The following SNTG1 variants were observed in gnomAD, a reference collection of about 807,000 sequenced individuals.
SNTG1 encodes the protein gamma-1-syntrophin.
In SNTG1, 39 loss-of-function variants were observed where a neutral mutation model predicts 74.7. The ratio of observed to expected loss-of-function variants is 0.52; its 90% CI spans 0.40 to 0.68. The LOEUF is 0.68. Among genes scored for constraint, SNTG1 ranks in the 30% least tolerant of loss-of-function variants. The pLI is 0.00. For synonymous variants in SNTG1, 254 were observed against 217.1 expected (o/e 1.17, Z -1.49); for missense variants, 685 against 609.5 (o/e 1.12, Z -1.30).
chr8:50,746,953 T>A (rs1028620053), intron 17 of SNTG1, among the ~76,000 whole-genome samples: 1 of 150,794 alleles, frequency 6.6e-6, no homozygotes, highest in Admixed American at 6.6e-5. Flanking sequence ...AATGTCATTA[T>A]GTAGTCAAAC....
chr8:50,568,517 T>G (rs1004165034), intron 12 of SNTG1, among the ~76,000 whole-genome samples: 2 of 152,136 alleles, frequency 1.3e-5, no homozygotes, highest in Non-Finnish European at 2.9e-5. Context: ...GTCTTTTTGA[T>G]AAAAGCTGTT....
At chr8:50,512,110 G>T (rs545542646) in intron 9 of SNTG1, among the ~76,000 whole-genome samples, 2 of 152,040 alleles carry the variant, frequency 1.3e-5, no homozygotes, top group East Asian at 3.9e-4. Flanking sequence ...GTGCAGGCCT[G>T]GTGGTGACAA....
At chr8:50,727,388 A>G (rs6998678) in intron 17 of SNTG1, among the ~76,000 whole-genome samples, 15,550 of 152,108 alleles carry the variant, frequency 0.1, 2,227 homozygotes, top group African/African-American at 0.32. Flanking sequence ...GTTTTCTTTG[A>G]GAGAGCTTTC....
intron 12 of SNTG1, among the ~76,000 whole-genome samples, chr8:50,579,989 A>T (rs2094599905): frequency 6.6e-6 from 1 of 152,194 alleles, no homozygotes; most frequent in East Asian, 1.9e-4. Context: ...GTGTGCTGGG[A>T]AAAGGAACAG....
intron 2 of SNTG1, 114 bp downstream of exon 2, chr8:50,172,749 G>A (rs867372410): frequency 7.0e-6 from 1 of 143,144 alleles, no homozygotes; most frequent in African/African-American, 2.6e-5. Flanking sequence ...TCTTTTTGAA[G>A]CTTCTTTCTC....
intron 2 of SNTG1, among the ~76,000 whole-genome samples, chr8:50,330,373 G>C (rs1294062798): frequency 1.3e-5 from 2 of 152,074 alleles, no homozygotes; most frequent in East Asian, 1.9e-4. Flanking sequence ...AAATTAACCA[G>C]TGTCAGGTTT....
At chr8:50,788,168 C>A (rs555012987) in intron 18 of SNTG1, among the ~76,000 whole-genome samples, 61 of 152,094 alleles carry the variant, frequency 4.0e-4, no homozygotes, top group Admixed American at 1.4e-3. Flanking sequence ...TCTCTAATGA[C>A]TGCAAGGCCA....
Position 49,940,265 on chromosome 8 carries a change from C to T in SNTG1, c.-103+28034C>T, listed in dbSNP as rs574901432. ...TTGAGCAGGGATGTGCAAAATGCCTCGAAAGACAGAGGATCCCAGCACCCA... is the reference window on the plus strand; with the variant it reads ...TTGAGCAGGGATGTGCAAAATGCCTTGAAAGACAGAGGATCCCAGCACCCA... On this transcript the variant is annotated intron_variant, in intron 1 of 18. Coordinates refer to ENST00000642720, the MANE Select transcript of SNTG1 (RefSeq NM_018967.5). Among the ~76,000 whole-genome samples, 4 of 152,238 alleles carry T rather than the reference C, an allele frequency of 2.6e-5. No homozygotes were observed. The East Asian group carries it at 5.8e-4, about 22-fold the overall frequency.
intron 2 of SNTG1, among the ~76,000 whole-genome samples, chr8:50,233,149 C>A (rs1403094120): frequency 6.6e-6 from 1 of 151,444 alleles, no homozygotes; most frequent in Non-Finnish European, 1.5e-5. Flanking sequence ...GATCATTATA[C>A]CTGATTTTCA....
At chr8:49,980,827 C>G (rs1812612121) in intron 1 of SNTG1, among the ~76,000 whole-genome samples, 1 of 151,996 alleles carries the variant, frequency 6.6e-6, no homozygotes, top group Admixed American at 6.6e-5. Flanking sequence ...ACACTTAAAG[C>G]TAACTTTTAT....
At position 50,318,024 on chromosome 8, in the gene SNTG1, C is replaced by G. The variant is rs187006526; in HGVS notation, c.-27-76188C>G. 4.9e-3 allele frequency among the ~76,000 whole-genome samples: 746 copies of G among 152,060 alleles called. 9 individuals carry two copies. The highest frequency in any genetic ancestry group is 0.017 in the African/African-American group (718 of 41,488). On this transcript the variant is annotated intron_variant, in intron 2 of 18. Transcript: ENST00000642720. ...GCTAATTTTTTGTATTTTTAGTAGACACGGGGTTTCACCATGTTAGCCAGG... is the reference window on the plus strand; with the variant it reads ...GCTAATTTTTTGTATTTTTAGTAGAGACGGGGTTTCACCATGTTAGCCAGG...
At chr8:49,958,698 C>T (rs1477650900) in intron 1 of SNTG1, among the ~76,000 whole-genome samples, 1 of 152,158 alleles carries the variant, frequency 6.6e-6, no homozygotes, top group Non-Finnish European at 1.5e-5. Context: ...GGATTACAGG[C>T]GTGAGCCACT....
chr8:50,137,841 G>A (rs888125793), intron 1 of SNTG1, among the ~76,000 whole-genome samples: 14 of 152,120 alleles, frequency 9.2e-5, no homozygotes, highest in African/African-American at 3.4e-4. Context: ...GTCCAGAGAT[G>A]CAGCAGCTGG....
chr8:50,781,395 G>A (rs2095658981), intron 18 of SNTG1, among the ~76,000 whole-genome samples: 1 of 152,070 alleles, frequency 6.6e-6, no homozygotes, highest in South Asian at 2.1e-4. Flanking sequence ...CTCCTGTATT[G>A]GGTGCATATA....
At chr8:50,683,924 T>A (rs2095341384) in intron 15 of SNTG1, among the ~76,000 whole-genome samples, 1 of 152,206 alleles carries the variant, frequency 6.6e-6, no homozygotes, top group Non-Finnish European at 1.5e-5. Context: ...CTGTTTTTAA[T>A]CACAATTGAA....
chr8:50,162,577 A>G (rs1396911598), intron 1 of SNTG1, among the ~76,000 whole-genome samples: 45 of 146,532 alleles, frequency 3.1e-4, no homozygotes, highest in Non-Finnish European at 5.4e-4. Flanking sequence ...AAAAAAAAAA[A>G]GAAAAAAAAA....
intron 8 of SNTG1, among the ~76,000 whole-genome samples, chr8:50,463,427 C>T (rs2093584077): frequency 6.6e-6 from 1 of 152,100 alleles, no homozygotes; most frequent in South Asian, 2.1e-4. Context: ...GAAATTACTC[C>T]TTGATCCATG....
intron 2 of SNTG1, among the ~76,000 whole-genome samples, chr8:50,235,939 C>G (rs1423623903): frequency 6.6e-6 from 1 of 151,840 alleles, no homozygotes; most frequent in Non-Finnish European, 1.5e-5. Flanking sequence ...AATATTCTAC[C>G]CATAAAGAAA....
chr8:50,172,644 A>G lies in SNTG1; in HGVS notation c.-28+9A>G, dbSNP rs1252869993. ...GCTGTACCTAAATTCAAGTAAGACC[A>G]TTACTTTGCAATAACGTATCATGTG... On this transcript the variant is annotated intron_variant, in intron 2 of 18. Coordinates refer to ENST00000642720, the MANE Select transcript of SNTG1 (RefSeq NM_018967.5). The G allele has an allele frequency of 1.3e-5, 2 of 152,162 alleles. No homozygotes were observed. Among genetic ancestry groups the G allele is most frequent in the African/African-American group, 4.8e-5 (2 of 41,446 alleles). 9.4% of individuals were successfully genotyped at this position (152,162 alleles called of 1,614,324 possible).
Sources: allele counts gnomAD v4.1 joint callset (sites outside exome capture counted in the v4.1 genomes callset), GRCh38; gene constraint gnomAD v4.1.1; transcripts MANE v1.5; gene names NCBI Gene and HGNC (gene_info 2026-07-23, HGNC 2026-07-21).